ZC3H12D: variants seen among roughly 807,000 people sequenced by gnomAD.
ZC3H12D encodes the protein probable ribonuclease ZC3H12D.
In ZC3H12D, 11 loss-of-function variants were observed where a neutral mutation model predicts 24.2. The ratio of observed to expected loss-of-function variants is 0.46; its 90% CI spans 0.29 to 0.75. ZC3H12D has a LOEUF of 0.75. Ranked by LOEUF, ZC3H12D falls within the 30% of genes least tolerant of loss-of-function variation. The probability of loss-of-function intolerance (pLI) is 0.11; values close to 1 mark genes in which losing one functional copy is unlikely to be tolerated. For synonymous variants in ZC3H12D, 333 were observed against 341.8 expected (o/e 0.97, Z 0.28); for missense variants, 740 against 767.7 (o/e 0.96, Z 0.43).
In ZC3H12D at chr6:149,483,324, G is replaced by T. The variant is rs962099970; in HGVS notation, c.-71+1489C>A. On this transcript the variant is annotated intron_variant, in intron 1 of 5. Transcript: ENST00000409806. ...AAATTTTTTTAATTTTCTTTAAATT[G>T]TGGTAAATTATATGTAACATAAAAT... 1.4e-4 allele frequency: 22 copies of T among 151,806 alleles called. 1 individual carries two copies. The highest frequency in any genetic ancestry group is 4.1e-4 in the African/African-American group (17 of 41,290). The allele number at this position is 151,806 out of a possible 1,614,324, so 9.4% of individuals were successfully genotyped here.
At chr6:149,458,620 G>T (rs940301106) in intron 3 of ZC3H12D, among the ~76,000 whole-genome samples, 10 of 152,156 alleles carry the variant, frequency 6.6e-5, no homozygotes, top group South Asian at 2.1e-4. Context: ...CCTCTTCAGG[G>T]TATATCTCCA....
chr6:149,460,239 T>C (rs1001604379), intron 3 of ZC3H12D, among the ~76,000 whole-genome samples: 5 of 152,248 alleles, frequency 3.3e-5, no homozygotes, highest in African/African-American at 9.6e-5. Flanking sequence ...CAAATACTCA[T>C]TGGAGCATTT....
At position 149,448,437 on chromosome 6, in the gene ZC3H12D, G is replaced by A. The variant is rs1381333223; in HGVS notation, c.*2246C>T. On this transcript the variant is annotated 3_prime_UTR_variant, in exon 6 of 6. Transcript: ENST00000409806. ...GCACAACTGTAGTCCCAGCTACTCA[G>A]GAGGCTGAGGCACAAGGATTGCTTG... 6.6e-6 allele frequency: 1 copy of A among 152,144 alleles called. No individual in the cohort carries two copies. The highest frequency in any genetic ancestry group is 1.5e-5 in the Non-Finnish European group (1 of 68,044). 9.4% of individuals were successfully genotyped at this position (152,144 alleles called of 1,614,324 possible). A position where few individuals can be genotyped will look rare whatever the true frequency, so the allele number is the denominator to read the frequency against.
chr6:149,461,390 T>C (rs542293861), intron 3 of ZC3H12D, among the ~76,000 whole-genome samples: 1 of 152,276 alleles, frequency 6.6e-6, no homozygotes, highest in African/African-American at 2.4e-5. Flanking sequence ...AGTTTTCTTC[T>C]TCTTTTTAAA....
intron 1 of ZC3H12D, chr6:149,483,113 G>A (rs966903342): frequency 1.3e-5 from 2 of 152,402 alleles, no homozygotes; most frequent in Non-Finnish European, 2.9e-5. Context: ...CCATGGTGAG[G>A]AGAAAGTTGT....
rs747287594 is a variant in ZC3H12D, at chr6:149,474,424, A to G, written c.120T>C (p.Leu40=). The G allele has an allele frequency of 6.2e-7, 1 of 1,608,176 alleles. No individual in the cohort carries two copies. The highest frequency in any genetic ancestry group is 8.5e-7 in the Non-Finnish European group (1 of 1,175,630). ...CACCCGGGCGGCTGCCCGTGCGGAT[A>G]AGCTCCTGCAGCACGTCGTTGACCA... ...GALVNDVLQE[L]IRTGSRPGAL... is the part of the protein sequence containing the mutation. Residue 40 remains leucine, a synonymous_variant, in exon 2 of 6, where the codon CTT becomes CTC. Transcript: ENST00000409806.
Position 149,456,839 on chromosome 6 carries a change from C to T in ZC3H12D, c.507G>A (p.Lys169=). ...QAVLVYTPSR[K]VHGKRLVCYD... is the part of the protein sequence containing the mutation. ...AGCAGACCAGGCGCTTGCCGTGCAC[C>T]TTGCGGGACGGCGTGTACACCAGCA... Residue 169 remains lysine (K), a synonymous_variant, in exon 4 of 6, where the codon AAG becomes AAA. Transcript: ENST00000409806. This position sits in a 1 kb window ranked among gnomAD's most constrained non-coding sequence, Gnocchi z 4.3. 1 of 1,610,656 alleles carries T rather than the reference C, an allele frequency of 6.2e-7. No individual in the cohort carries two copies. Among genetic ancestry groups the T allele is most frequent in the Non-Finnish European group, 8.5e-7 (1 of 1,179,740 alleles).
intron 3 of ZC3H12D, among the ~76,000 whole-genome samples, chr6:149,461,277 G>T (rs416262): frequency 0.15 from 22,982 of 150,680 alleles, 1,907 homozygotes; most frequent in African/African-American, 0.23. Flanking sequence ...GGAGGAGGAG[G>T]TTGCAGTGAG....
chr6:149,451,554 C>T, intron 5 of ZC3H12D, 75 bp from the exon 6 acceptor site: 1 of 1,288,884 alleles, frequency 7.8e-7, no homozygotes, highest in Non-Finnish European at 1.0e-6. Flanking sequence ...CTGGTGCATC[C>T]GGGGAGTGCC....
At chr6:149,451,728 A>T (rs1489947743) in intron 5 of ZC3H12D, among the ~76,000 whole-genome samples, 1 of 152,146 alleles carries the variant, frequency 6.6e-6, no homozygotes, top group Admixed American at 6.5e-5. Context: ...CGCTGAGCAC[A>T]CTCATCCCAG....
chr6:149,476,582 C>A (rs766095094), intron 1 of ZC3H12D, among the ~76,000 whole-genome samples: 1 of 151,990 alleles, frequency 6.6e-6, no homozygotes, highest in Non-Finnish European at 1.5e-5. Context: ...CCGAGGCAGG[C>A]GTATCGCTTT....
At chr6:149,482,829 G>A (rs1424380786) in intron 1 of ZC3H12D, among the ~76,000 whole-genome samples, 2 of 152,178 alleles carry the variant, frequency 1.3e-5, no homozygotes, top group African/African-American at 4.8e-5. Flanking sequence ...GGAAACTGAG[G>A]CAAAGAGCGG....
intron 2 of ZC3H12D, among the ~76,000 whole-genome samples, chr6:149,469,069 C>G (rs745405754): frequency 5.3e-5 from 8 of 152,148 alleles, no homozygotes; most frequent in Admixed American, 6.6e-5. Context: ...TGCTTTCCCC[C>G]CAAGGTTGTA....
At position 149,474,454 on chromosome 6, in the gene ZC3H12D, G is replaced by A. The variant is rs7772994; in HGVS notation, c.90C>T (p.Gly30=). The change falls in exon 2 of 6, where the codon GGC becomes GGT. Residue 30 remains glycine (G), a synonymous_variant. Coordinates refer to ENST00000409806, the MANE Select transcript of ZC3H12D (RefSeq NM_207360.3). The stretch of plus-strand genomic sequence containing the variant: ...CCTGCAGCACGTCGTTGACCAGGGC[G>A]CCCTCGCCCAGCTTGCCCAACACCC... ...VLRVLGKLGE[G]ALVNDVLQEL... 4,742 of 1,598,248 alleles carry A rather than the reference G, an allele frequency of 3.0e-3. 104 individuals carry two copies. The African/African-American group carries it at 0.055, about 18-fold the overall frequency.
At chr6:149,478,393 A>AT (rs57879307) in intron 1 of ZC3H12D, among the ~76,000 whole-genome samples, 20 of 149,932 alleles carry the variant, frequency 1.3e-4, no homozygotes, top group East Asian at 3.9e-4. Flanking sequence ...CTTCTTACTA[A>AT]TTTTTTTTTT....
intron 3 of ZC3H12D, among the ~76,000 whole-genome samples, chr6:149,461,264 C>A (rs577967873): frequency 1.1e-3 from 162 of 151,330 alleles, no homozygotes; most frequent in African/African-American, 3.7e-3. Flanking sequence ...TCACTTGAAC[C>A]CGGGAGGAGG....
chr6:149,456,430 T>C lies in ZC3H12D; in HGVS notation c.680+236A>G, dbSNP rs1178249378. Among the ~76,000 whole-genome samples, 3 of 152,272 alleles carry C rather than the reference T, an allele frequency of 2.0e-5. No individual in the cohort carries two copies. The East Asian group carries it at 5.8e-4, about 29-fold the overall frequency. ...CATGCTTGCATGCTTGGCCCACCTCTTGGGCTTCTCTGTGGTGTGTCAGAT... is the reference window on the plus strand; with the variant it reads ...CATGCTTGCATGCTTGGCCCACCTCCTGGGCTTCTCTGTGGTGTGTCAGAT... On this transcript the variant is annotated intron_variant, in intron 4 of 5. Transcript: ENST00000409806. This position sits in a 1 kb window ranked among gnomAD's most constrained non-coding sequence, Gnocchi z 4.3.
Position 149,452,644 on chromosome 6 carries a change from T to TG in ZC3H12D, c.758dup (p.Glu254ArgfsTer140). On this transcript the variant is annotated frameshift_variant, in exon 5 of 6. Coordinates refer to ENST00000409806, the MANE Select transcript of ZC3H12D (RefSeq NM_207360.3). LOFTEE classifies it low-confidence loss of function (END_TRUNC). The surrounding 1 kb of genome is among the most constrained non-coding windows in gnomAD (Gnocchi z 4.0). Reference sequence around the variant, plus strand: ...AAGGACAATGCTGCCAGGATGGCTCTGGGGGCTTCGGCTTCCTGCTCAGGA... The same window carrying TG: ...AAGGACAATGCTGCCAGGATGGCTCTGGGGGGCTTCGGCTTCCTGCTCAGGA... 1 of 1,602,790 alleles carries TG rather than the reference T, an allele frequency of 6.2e-7. No homozygotes were observed. Among genetic ancestry groups the TG allele is most frequent in the South Asian group, 1.1e-5 (1 of 88,738 alleles).
intron 2 of ZC3H12D, among the ~76,000 whole-genome samples, chr6:149,463,645 G>T (rs2095849): frequency 0.36 from 55,198 of 151,960 alleles, 10,523 homozygotes; most frequent in African/African-American, 0.46. Flanking sequence ...GGAGGCGGAG[G>T]TTGTAGTGAG....
Sources: allele counts gnomAD v4.1 joint callset (sites outside exome capture counted in the v4.1 genomes callset), GRCh38; gene constraint gnomAD v4.1.1; non-coding constraint Gnocchi (gnomAD v3.1); transcripts MANE v1.5; gene names NCBI Gene and HGNC (gene_info 2026-07-23, HGNC 2026-07-21).